The following REN variants were observed in gnomAD, a reference collection of about 807,000 sequenced individuals.
REN encodes the protein renin.
In REN, 42 loss-of-function variants were observed where a neutral mutation model predicts 48.6. The ratio of observed to expected loss-of-function variants is 0.86; its 90% CI spans 0.68 to 1.12. The LOEUF is 1.12. REN is among the 50% of genes most tolerant of loss of function. The probability of loss-of-function intolerance (pLI) is 0.00; values close to 1 mark genes in which losing one functional copy is unlikely to be tolerated. For missense variants in REN, 443 were observed against 527.3 expected (o/e 0.84, Z 1.57); for synonymous variants, 196 against 204.6 (o/e 0.96, Z 0.36).
rs112346337 is a variant in REN at position 204,165,337 on chromosome 1, G to A, written c.98+859C>T. 5.9e-3 allele frequency among the ~76,000 whole-genome samples: 901 copies of A among 152,254 alleles called. 7 individuals carry two copies. Among genetic ancestry groups the A allele is most frequent in the Non-Finnish European group, 9.1e-3 (616 of 68,008 alleles). The stretch of plus-strand genomic sequence containing the variant: ...CTAACAGTAGCTGGGCTCTTACAAC[G>A]TGCCCAGCTTTCTATGCCTTATCTC... On this transcript the variant is annotated intron_variant, in intron 1 of 9. Coordinates refer to ENST00000272190, the MANE Select transcript of REN (RefSeq NM_000537.4).
chr1:204,161,321 G>A lies in REN; in HGVS notation c.344C>T (p.Ser115Phe), dbSNP rs1658242267. The A allele has an allele frequency of 1.9e-6, 3 of 1,609,436 alleles. No homozygotes were observed. The highest frequency in any genetic ancestry group is 2.5e-6 in the Non-Finnish European group (3 of 1,178,064). The change falls in exon 3 of 10, where the codon TCC becomes TTC. Residue 115 changes from serine to phenylalanine, a missense_variant. By Grantham distance (155) the Ser-to-Phe change is radical. Coordinates refer to ENST00000272190, the MANE Select transcript of REN (RefSeq NM_000537.4). ...GGCAGTGTAGAGACGGCTGCACTTG[G>A]AGGAGGGCACCCAAACATTGGACGA... ...TGSSNVWVPSSKCSRLYTACV... is the reference protein window; with the variant it reads ...TGSSNVWVPSFKCSRLYTACV...
At chr1:204,162,252 T>C in intron 1 of REN, 89 bp from the exon 2 acceptor site, 1 of 1,434,654 alleles carries the variant, frequency 7.0e-7, no homozygotes, top group Non-Finnish European at 9.7e-7. Context: ...CTGCTTTTAG[T>C]ACAACCACCT....
In REN at chr1:204,162,012, C is replaced by T. The variant is rs756544334; in HGVS notation, c.249+1G>A. The stretch of plus-strand genomic sequence containing the variant: ...AGCGAGGGGCTGAGCCAAGCACTCA[C>T]GTCCATGTAGTTGGTGAGGATCACG... On this transcript the variant is annotated splice_donor_variant, in intron 2 of 9. Coordinates refer to ENST00000272190, the MANE Select transcript of REN (RefSeq NM_000537.4). LOFTEE classifies it high-confidence loss of function. 2.0e-5 allele frequency: 33 copies of T among 1,614,070 alleles called. No homozygotes were observed. Among genetic ancestry groups the T allele is most frequent in the African/African-American group, 4.0e-5 (3 of 74,932 alleles).
rs1658121986 is a variant in REN at position 204,154,947 on chromosome 1, G to A, written c.*69C>T. The A allele has an allele frequency of 3.8e-6, 6 of 1,570,266 alleles. No homozygotes were observed. Among genetic ancestry groups the A allele is most frequent in the Non-Finnish European group, 5.2e-6 (6 of 1,147,730 alleles). ...CTGAGGGCATAAGCCCAGGCAGAGG[G>A]GCATCTCAGAGAGTGTTCCAGCTCT... On this transcript the variant is annotated 3_prime_UTR_variant, in exon 10 of 10. Coordinates refer to ENST00000272190, the MANE Select transcript of REN (RefSeq NM_000537.4).
chr1:204,155,583 C>T (rs1658133173), intron 9 of REN, among the ~76,000 whole-genome samples: 1 of 152,090 alleles, frequency 6.6e-6, no homozygotes, highest in African/African-American at 2.4e-5. Flanking sequence ...CAAACATGGC[C>T]ACACATTGGA....
intron 9 of REN, among the ~76,000 whole-genome samples, 190 bp downstream of exon 9, chr1:204,155,630 A>C (rs750145098): frequency 1.2e-4 from 18 of 152,088 alleles, no homozygotes; most frequent in Non-Finnish European, 1.6e-4. Flanking sequence ...TGCCACTTCT[A>C]GAGGTTCTGA....
Position 204,166,220 on chromosome 1 carries a change from G to T in REN, c.74C>A (p.Pro25Gln). The T allele has an allele frequency of 6.2e-7, 1 of 1,614,128 alleles. No individual in the cohort carries two copies. The highest frequency in any genetic ancestry group is 1.1e-5 in the South Asian group (1 of 91,074). Reference sequence around the variant, plus strand: ...CCGTTTAAAGGTGGTGGTGTCTGTCGGGAGACCAAAGGTACAGGAGCCCCA... The same window carrying T: ...CCGTTTAAAGGTGGTGGTGTCTGTCTGGAGACCAAAGGTACAGGAGCCCCA... Reference protein sequence around the residue: ...LLWGSCTFGLPTDTTTFKRIF... With the variant: ...LLWGSCTFGLQTDTTTFKRIF... The change falls in exon 1 of 10, where the codon CCG (proline) becomes CAG (glutamine). Residue 25 changes from proline to glutamine, a missense_variant. Transcript: ENST00000272190.
chr1:204,155,004 T>G lies in REN; in HGVS notation c.*12A>C. 1 of 1,613,432 alleles carries G rather than the reference T, an allele frequency of 6.2e-7. No individual in the cohort carries two copies. Among genetic ancestry groups the G allele is most frequent in the Non-Finnish European group, 8.5e-7 (1 of 1,179,984 alleles). ...GGGCTGAAGGCAGGGCCTGCCTGGG[T>G]GGCAGAGGGCCTCAGCGGGCCAAGG... On this transcript the variant is annotated 3_prime_UTR_variant, in exon 10 of 10. Coordinates refer to ENST00000272190, the MANE Select transcript of REN (RefSeq NM_000537.4).
rs760367181 is a variant in REN, at chr1:204,166,320, G to C, written c.-27C>G. On this transcript the variant is annotated 5_prime_UTR_variant, in exon 1 of 10. Coordinates refer to ENST00000272190, the MANE Select transcript of REN (RefSeq NM_000537.4). ...CTTCCCTCAGTCTGGGGCTCTCTCT[G>C]AGATCCACTGAGGTTCTGTGGCTCC... The C allele has an allele frequency of 1.1e-5, 18 of 1,600,276 alleles. No homozygotes were observed. The highest frequency in any genetic ancestry group is 1.5e-5 in the Non-Finnish European group (17 of 1,167,528).
chr1:204,164,804 G>A (rs1364337414), intron 1 of REN, among the ~76,000 whole-genome samples: 1 of 151,942 alleles, frequency 6.6e-6, no homozygotes, highest in Non-Finnish European at 1.5e-5. Flanking sequence ...GTGAGCTCAA[G>A]CGATCTGCCC....
At position 204,156,909 on chromosome 1, in the gene REN, G is replaced by T; in HGVS notation, c.699-113C>A. 1 of 1,347,968 alleles carries T rather than the reference G, an allele frequency of 7.4e-7. No individual in the cohort carries two copies. The highest frequency in any genetic ancestry group is 1.0e-6 in the Non-Finnish European group (1 of 952,400). 83.5% of individuals were successfully genotyped at this position (1,347,968 alleles called of 1,614,324 possible). On this transcript the variant is annotated intron_variant, in intron 6 of 9. Coordinates refer to ENST00000272190, the MANE Select transcript of REN (RefSeq NM_000537.4). The surrounding 1 kb of genome is among the most constrained non-coding windows in gnomAD (Gnocchi z 4.2). ...GGGGAGGACAGAGGGCTCTAGAGCA[G>T]AGGAATGTGGGACAGACAGCCAGGC...
At chr1:204,166,046 C>T (rs1436397831) in intron 1 of REN, 150 bp downstream of exon 1, 1 of 719,136 alleles carries the variant, frequency 1.4e-6, no homozygotes, top group Non-Finnish European at 2.5e-6. Flanking sequence ...ATTTATTGGG[C>T]AAGTCACTTG....
Position 204,155,061 on chromosome 1 carries a change from C to T in REN, c.1176G>A (p.Glu392=). The change falls in exon 10 of 10, where the codon GAG becomes GAA. Residue 392 remains glutamate, a synonymous_variant. Transcript: ENST00000272190. ...CAATGCGGTTGTTACGCCGATCAAA[C>T]TCTGTGTAGAACTTTCGGATGAAGG... The part of the protein sequence containing the change: ...GATFIRKFYT[E]FDRRNNRIGF... 1 of 1,614,256 alleles carries T rather than the reference C, an allele frequency of 6.2e-7. No individual in the cohort carries two copies. The highest frequency in any genetic ancestry group is 1.1e-5 in the South Asian group (1 of 91,092).
At chr1:204,155,470 C>T (rs1206493022) in intron 9 of REN, among the ~76,000 whole-genome samples, 2 of 152,192 alleles carry the variant, frequency 1.3e-5, no homozygotes, top group East Asian at 1.9e-4. Flanking sequence ...TTCAACTTCT[C>T]TAAGCCTATT....
intron 1 of REN, among the ~76,000 whole-genome samples, chr1:204,164,565 C>A (rs939528922): frequency 2.1e-5 from 2 of 93,694 alleles, no homozygotes; most frequent in East Asian, 3.8e-4. Context: ...CTTCTTCAGT[C>A]TTTTTTTTTT....
intron 1 of REN, among the ~76,000 whole-genome samples, chr1:204,165,403 T>C (rs1375250432): frequency 1.3e-5 from 2 of 152,246 alleles, no homozygotes; most frequent in Non-Finnish European, 2.9e-5. Context: ...GGTACTGTTA[T>C]TATCATACCT....
chr1:204,161,195 G>T, intron 3 of REN, 97 bp downstream of exon 3: 1 of 1,355,104 alleles, frequency 7.4e-7, no homozygotes, highest in Non-Finnish European at 9.9e-7. Flanking sequence ...CCACTCCCTT[G>T]GTGGCAAGAG....
Position 204,155,216 on chromosome 1 carries a change from T to A in REN, c.1060-39A>T. 3 of 1,611,038 alleles carry A rather than the reference T, an allele frequency of 1.9e-6. No individual in the cohort carries two copies. In the South Asian group the frequency reaches 3.3e-5, roughly 18 times the overall value. On this transcript the variant is annotated intron_variant, in intron 9 of 9. Coordinates refer to ENST00000272190, the MANE Select transcript of REN (RefSeq NM_000537.4). ...GGAGAGTTTCTCCATACCCAGCACA[T>A]GAGCATTCTCCTTTCACCTTGCCTG... is the stretch of plus-strand genomic sequence containing the variant.
rs141741138 is a variant in REN, at chr1:204,157,105, A to T, written c.698+256T>A. ...CAAGGACAGTGAGTGGATGTGAACA[A>T]GACACAAATGGACACCCCTCACTCT... On this transcript the variant is annotated intron_variant, in intron 6 of 9. Transcript: ENST00000272190. 2.2e-3 allele frequency among the ~76,000 whole-genome samples: 335 copies of T among 152,322 alleles called. 2 individuals are homozygous for T. Among genetic ancestry groups the T allele is most frequent in the African/African-American group, 7.7e-3 (321 of 41,578 alleles).
Sources: gnomAD v4.1 joint callset for allele counts (sites outside exome capture counted in the v4.1 genomes callset) on GRCh38, gnomAD v4.1.1 for gene constraint, Gnocchi (gnomAD v3.1) non-coding constraint, MANE v1.5 for transcripts, NCBI Gene and HGNC (gene_info 2026-07-23, HGNC 2026-07-21) for gene names.